The following CADPS2 variants were observed in gnomAD, a reference collection of about 807,000 sequenced individuals.
CADPS2 encodes the protein calcium dependent secretion activator 2.
Under a neutral mutation model 172.5 loss-of-function variants are expected in CADPS2, and 93 were observed. The observed-to-expected ratio is 0.54, with a 90% CI of 0.46 to 0.64. The LOEUF (loss-of-function observed/expected upper bound fraction) is 0.64. Ranked by LOEUF, CADPS2 falls within the 30% of genes least tolerant of loss-of-function variation. The pLI is 0.00. For missense variants in CADPS2, 1,420 were observed against 1,565.9 expected (o/e 0.91, Z 1.57); for synonymous variants, 546 against 555.2 (o/e 0.98, Z 0.23).
At chr7:122,681,958 G>T (rs1434416072) in intron 2 of CADPS2, among the ~76,000 whole-genome samples, 1 of 151,722 alleles carries the variant, frequency 6.6e-6, no homozygotes, top group African/African-American at 2.4e-5. Context: ...CATACACATG[G>T]TATTACCATA....
chr7:122,605,661 C>T (rs1455147681), intron 6 of CADPS2, among the ~76,000 whole-genome samples: 1 of 151,970 alleles, frequency 6.6e-6, no homozygotes, highest in East Asian at 1.9e-4. Flanking sequence ...TATATTTTTT[C>T]TCTGATCTTA....
intron 1 of CADPS2, among the ~76,000 whole-genome samples, chr7:122,827,165 T>C (rs1805144897): frequency 6.6e-6 from 1 of 152,150 alleles, no homozygotes; most frequent in African/African-American, 2.4e-5. Context: ...CTCAAAAATA[T>C]GACAGCTTAC....
At chr7:122,358,235 T>A (rs2039673949) in intron 27 of CADPS2, among the ~76,000 whole-genome samples, 1 of 152,160 alleles carries the variant, frequency 6.6e-6, no homozygotes, top group African/African-American at 2.4e-5. Flanking sequence ...TATTGAGCAT[T>A]TTTTCATAAG....
intron 1 of CADPS2, among the ~76,000 whole-genome samples, chr7:122,837,640 A>G (rs1326342681): frequency 6.6e-6 from 1 of 152,236 alleles, no homozygotes; most frequent in Non-Finnish European, 1.5e-5. Context: ...ATCAGAGAAT[A>G]CTATAAACAC....
At chr7:122,796,353 A>C (rs1796369396) in intron 1 of CADPS2, among the ~76,000 whole-genome samples, 1 of 152,236 alleles carries the variant, frequency 6.6e-6, no homozygotes, top group Admixed American at 6.5e-5. Context: ...ACTTGAAAAA[A>C]ACTATTTTAA....
At chr7:122,325,736 T>C (rs937588083) in intron 28 of CADPS2, among the ~76,000 whole-genome samples, 155 bp from the exon 29 acceptor site, 2 of 152,148 alleles carry the variant, frequency 1.3e-5, no homozygotes, top group African/African-American at 4.8e-5. Context: ...AATTTCCTGT[T>C]AACAGAATTG....
At chr7:122,373,785 A>C (rs2042035089) in intron 25 of CADPS2, among the ~76,000 whole-genome samples, 1 of 152,204 alleles carries the variant, frequency 6.6e-6, no homozygotes, top group Admixed American at 6.5e-5. Flanking sequence ...AGTGAATTCT[A>C]CCAAACATTT....
rs566818232 is a variant in CADPS2, at chr7:122,696,194, G to A, written c.454-32625C>T. ...TGGGCAGCTAATTTATCCTTTTAGG[G>A]ACAGCTGTCATGGGGTCCTCAGTGT... On this transcript the variant is annotated intron_variant, in intron 2 of 29. Coordinates refer to ENST00000449022, the MANE Select transcript of CADPS2 (RefSeq NM_017954.11). 3.9e-5 allele frequency among the ~76,000 whole-genome samples: 6 copies of A among 152,222 alleles called. No individual in the cohort carries two copies. The South Asian group carries it at 1.2e-3, about 32-fold the overall frequency.
chr7:122,806,968 T>C (rs1267345176), intron 1 of CADPS2, among the ~76,000 whole-genome samples: 1 of 152,234 alleles, frequency 6.6e-6, no homozygotes, highest in African/African-American at 2.4e-5. Context: ...AAAAGAGAGC[T>C]GAACACTAGA....
intron 1 of CADPS2, among the ~76,000 whole-genome samples, chr7:122,854,160 C>G (rs1548618): frequency 0.44 from 67,217 of 151,830 alleles, 17,308 homozygotes; most frequent in African/African-American, 0.72. Flanking sequence ...AGGAGTTTGA[C>G]ACCAGCCTAG....
At chr7:122,698,322 A>G in intron 2 of CADPS2, 1 of 1,614,092 alleles carries the variant, frequency 6.2e-7, no homozygotes, top group Non-Finnish European at 8.5e-7. Context: ...CTAAGGTAGC[A>G]GTTGTGACAA....
At chr7:122,341,255 T>C (rs976583656) in intron 28 of CADPS2, among the ~76,000 whole-genome samples, 2 of 152,254 alleles carry the variant, frequency 1.3e-5, no homozygotes, top group Non-Finnish European at 2.9e-5. Flanking sequence ...TGCTACTGCT[T>C]CTTTGGTGGG....
intron 16 of CADPS2, chr7:122,439,494 TCA>T (rs1477546600): frequency 6.6e-6 from 1 of 152,210 alleles, no homozygotes; most frequent in African/African-American, 2.4e-5. Context: ...CTGTATTATT[TCA>T]TTCTCTTGTA....
intron 3 of CADPS2, among the ~76,000 whole-genome samples, chr7:122,661,170 A>G (rs2080490235): frequency 6.6e-6 from 1 of 152,226 alleles, no homozygotes; most frequent in Non-Finnish European, 1.5e-5. Context: ...TACTACAAAT[A>G]TATGTACCTA....
At chr7:122,351,149 A>T (rs1206906736) in intron 27 of CADPS2, among the ~76,000 whole-genome samples, 1 of 151,658 alleles carries the variant, frequency 6.6e-6, no homozygotes, top group African/African-American at 2.4e-5. Flanking sequence ...GCAGATCACG[A>T]AGTCAGGAGA....
At position 122,874,854 on chromosome 7, in the gene CADPS2, T is replaced by C. The variant is rs142794466; in HGVS notation, c.339+11145A>G. Among the ~76,000 whole-genome samples the C allele has an allele frequency of 3.8e-3, 586 of 152,278 alleles. 1 individual carries two copies. Among genetic ancestry groups the C allele is most frequent in the Middle Eastern group, 0.031 (9 of 290 alleles). On this transcript the variant is annotated intron_variant, in intron 1 of 29. Coordinates refer to ENST00000449022, the MANE Select transcript of CADPS2 (RefSeq NM_017954.11). ...ATGCAGGAAACTGAAACTGGACCCC[T>C]TCCTTATACCTTATACAAAAATTAA...
At chr7:122,566,022 T>G (rs1206701274) in intron 7 of CADPS2, among the ~76,000 whole-genome samples, 1 of 152,164 alleles carries the variant, frequency 6.6e-6, no homozygotes, top group East Asian at 1.9e-4. Flanking sequence ...TACATGTAAG[T>G]GACATCATGT....
At chr7:122,473,444 G>A (rs2152188859) in intron 13 of CADPS2, among the ~76,000 whole-genome samples, 1 of 152,270 alleles carries the variant, frequency 6.6e-6, no homozygotes, top group Middle Eastern at 3.4e-3. Flanking sequence ...TTTTAACAAA[G>A]CTCAAAGGAA....
At chr7:122,580,601 A>G (rs1370965391) in intron 7 of CADPS2, among the ~76,000 whole-genome samples, 7 of 152,146 alleles carry the variant, frequency 4.6e-5, no homozygotes, top group Non-Finnish European at 1.0e-4. Flanking sequence ...TGACAGCACA[A>G]GCTGAGTATA....
Sources: gnomAD v4.1 joint callset for allele counts (sites outside exome capture counted in the v4.1 genomes callset) on GRCh38, gnomAD v4.1.1 for gene constraint, MANE v1.5 for transcripts, NCBI Gene and HGNC (gene_info 2026-07-23, HGNC 2026-07-21) for gene names.